The following MNAT1 variants were observed in gnomAD, a reference collection of about 807,000 sequenced individuals.
MNAT1 encodes CDK-activating kinase assembly factor MAT1.
Under a neutral mutation model 42.0 loss-of-function variants are expected in MNAT1, and 43 were observed. The observed-to-expected ratio is 1.02, with a 90% CI of 0.80 to 1.32. MNAT1 has a LOEUF of 1.32. Ranked by LOEUF, MNAT1 falls within the 40% of genes most tolerant of loss-of-function variation. The pLI is 0.00. For synonymous variants in MNAT1, 118 were observed against 120.0 expected, an observed-to-expected ratio of 0.98 and a Z score of 0.11; for missense variants, 306 against 350.4, an observed-to-expected ratio of 0.87 and a Z score of 1.01.
At chr14:60,752,251 T>G (rs1044358057) in intron 1 of MNAT1, among the ~76,000 whole-genome samples, 4 of 152,220 alleles carry the variant, frequency 2.6e-5, no homozygotes, top group African/African-American at 9.6e-5. Flanking sequence ...ATTTATGAAG[T>G]ATGACATGCC....
At chr14:60,812,785 C>T (rs2032593022) in intron 5 of MNAT1, among the ~76,000 whole-genome samples, 1 of 152,184 alleles carries the variant, frequency 6.6e-6, no homozygotes, top group Non-Finnish European at 1.5e-5. Context: ...AACCTGACTT[C>T]GGGGAAGACG....
chr14:60,814,165 T>C (rs2032640296), intron 5 of MNAT1, among the ~76,000 whole-genome samples: 1 of 152,186 alleles, frequency 6.6e-6, no homozygotes, highest in Admixed American at 6.5e-5. Context: ...ACTGTTTACT[T>C]TGTGACAATA....
At chr14:60,914,108 G>T (rs553634255) in intron 7 of MNAT1, among the ~76,000 whole-genome samples, 1 of 152,196 alleles carries the variant, frequency 6.6e-6, no homozygotes, top group Non-Finnish European at 1.5e-5. Context: ...CTCTGTGGGC[G>T]TAGGACCCTC....
At chr14:60,751,559 T>C (rs2030095062) in intron 1 of MNAT1, among the ~76,000 whole-genome samples, 1 of 152,022 alleles carries the variant, frequency 6.6e-6, no homozygotes, top group South Asian at 2.1e-4. Flanking sequence ...AATTGTATTG[T>C]TGATGCAGTG....
chr14:60,841,814 AG>A (rs2033561256), intron 6 of MNAT1, among the ~76,000 whole-genome samples: 1 of 152,250 alleles, frequency 6.6e-6, no homozygotes, highest in Non-Finnish European at 1.5e-5. Context: ...TTTTAATGTT[AG>A]GCTAATTTAG....
chr14:60,958,399 TC>T (rs1297247693), intron 7 of MNAT1, among the ~76,000 whole-genome samples: 2 of 152,104 alleles, frequency 1.3e-5, no homozygotes, highest in African/African-American at 4.8e-5. Context: ...TTATTTAGCT[TC>T]CCTTGTATGT....
intron 7 of MNAT1, among the ~76,000 whole-genome samples, chr14:60,901,718 T>C (rs1437326280): frequency 6.6e-6 from 1 of 152,150 alleles, no homozygotes; most frequent in East Asian, 1.9e-4. Flanking sequence ...GGGGTGAAAA[T>C]AGCAAGAAAA....
intron 6 of MNAT1, among the ~76,000 whole-genome samples, chr14:60,866,326 T>G (rs2034201780): frequency 1.0e-5 from 1 of 98,168 alleles, no homozygotes; most frequent in African/African-American, 3.7e-5. Flanking sequence ...TTTTTTTTTT[T>G]GCCTTAATCT....
intron 6 of MNAT1, among the ~76,000 whole-genome samples, chr14:60,852,980 G>A (rs1016241681): frequency 4.6e-5 from 7 of 152,174 alleles, no homozygotes; most frequent in Non-Finnish European, 1.0e-4. Context: ...CAGGTAGCAT[G>A]ATGGCCCCAG....
At chr14:60,742,278 G>A (rs528485215) in intron 1 of MNAT1, among the ~76,000 whole-genome samples, 1 of 151,938 alleles carries the variant, frequency 6.6e-6, no homozygotes, top group East Asian at 1.9e-4. Context: ...TGTAGAGCTA[G>A]TCTCTGACTG....
chr14:60,779,466 C>T (rs1002432668), intron 1 of MNAT1, among the ~76,000 whole-genome samples: 1 of 152,114 alleles, frequency 6.6e-6, no homozygotes, highest in Non-Finnish European at 1.5e-5. Flanking sequence ...GAAAGTTTCC[C>T]GTGGAAACAA....
chr14:60,939,303 A>G (rs1199467882), intron 7 of MNAT1, among the ~76,000 whole-genome samples: 1 of 152,028 alleles, frequency 6.6e-6, no homozygotes, highest in Non-Finnish European at 1.5e-5. Flanking sequence ...TTGCTTCTCT[A>G]GTTCTTTTAA....
intron 6 of MNAT1, among the ~76,000 whole-genome samples, chr14:60,836,054 G>A (rs972747498): frequency 2.6e-5 from 4 of 151,996 alleles, no homozygotes; most frequent in African/African-American, 7.3e-5. Flanking sequence ...TATGCCTCAC[G>A]AAGTTCTTGT....
intron 6 of MNAT1, among the ~76,000 whole-genome samples, chr14:60,878,027 AT>A (rs2034470848): frequency 1.3e-5 from 2 of 152,208 alleles, no homozygotes; most frequent in East Asian, 3.9e-4. Flanking sequence ...GCAGAGAATA[AT>A]TTTATTAGCT....
At chr14:60,967,089 A>G (rs1163784677) in intron 7 of MNAT1, among the ~76,000 whole-genome samples, 1 of 152,132 alleles carries the variant, frequency 6.6e-6, no homozygotes, top group African/African-American at 2.4e-5. Context: ...ATTTGTGGCA[A>G]TGTGAATAAA....
At chr14:60,903,133 G>T (rs941233782) in intron 7 of MNAT1, among the ~76,000 whole-genome samples, 2 of 23,534 alleles carry the variant, frequency 8.5e-5, no homozygotes, top group African/African-American at 1.2e-4. Flanking sequence ...CGCTGTTTAA[G>T]TGTTTTTTTG....
chr14:60,950,042 T>A (rs934637142), intron 7 of MNAT1, among the ~76,000 whole-genome samples: 8 of 152,168 alleles, frequency 5.3e-5, no homozygotes, highest in African/African-American at 1.9e-4. Context: ...AAAACATCAG[T>A]TATTTTATCC....
chr14:60,771,583 A>G (rs918182463), intron 1 of MNAT1, among the ~76,000 whole-genome samples: 1 of 152,194 alleles, frequency 6.6e-6, no homozygotes, highest in Non-Finnish European at 1.5e-5. Context: ...GTAGAAGCCA[A>G]AGTCCTTATA....
chr14:60,787,870 C>A (rs553521106), intron 1 of MNAT1, among the ~76,000 whole-genome samples: 2 of 152,272 alleles, frequency 1.3e-5, no homozygotes, highest in South Asian at 4.1e-4. Context: ...GCCATATCTG[C>A]AGTTATTTTC....
Sources: allele counts gnomAD v4.1 joint callset (sites outside exome capture counted in the v4.1 genomes callset), GRCh38; gene constraint gnomAD v4.1.1; transcripts MANE v1.5; gene names NCBI Gene and HGNC (gene_info 2026-07-23, HGNC 2026-07-21).